The following TCF12 variants were observed in gnomAD, a reference collection of about 807,000 sequenced individuals.
TCF12 encodes the protein transcription factor 12.
In TCF12, 45 loss-of-function variants were observed where a neutral mutation model predicts 86.0. The observed-to-expected ratio is 0.52, with a 90% CI of 0.41 to 0.67. The LOEUF (loss-of-function observed/expected upper bound fraction) is 0.67, where lower values mean the gene tolerates loss of function less well. Among genes scored for constraint, TCF12 ranks in the 30% least tolerant of loss-of-function variants. TCF12 has a pLI of 0.00. For missense variants in TCF12, 881 were observed against 859.9 expected (o/e 1.02, Z -0.31); for synonymous variants, 330 against 299.6 (o/e 1.10, Z -1.05).
At chr15:57,042,608 C>T (rs1435037266) in intron 3 of TCF12, among the ~76,000 whole-genome samples, 4 of 151,984 alleles carry the variant, frequency 2.6e-5, no homozygotes, top group African/African-American at 7.3e-5. Context: ...GAGACGGGAT[C>T]GCACTGTGTT....
chr15:57,001,560 C>T lies in TCF12; in HGVS notation c.149-62190C>T, dbSNP rs956609464. Among the ~76,000 whole-genome samples, 3 of 152,118 alleles carry T rather than the reference C, an allele frequency of 2.0e-5. No homozygotes were observed. The East Asian group carries it at 5.8e-4, about 29-fold the overall frequency. Reference sequence around the variant, plus strand: ...ATTTGATTGTTGCATGTTTTAGTTTCTTTTCATTTAAAATAGTTTTCCTTA... The same window carrying T: ...ATTTGATTGTTGCATGTTTTAGTTTTTTTTCATTTAAAATAGTTTTCCTTA... On this transcript the variant is annotated intron_variant, in intron 3 of 20. Transcript: ENST00000333725.
At chr15:56,933,511 G>A (rs1437629171) in intron 3 of TCF12, among the ~76,000 whole-genome samples, 7 of 152,076 alleles carry the variant, frequency 4.6e-5, no homozygotes, top group Non-Finnish European at 1.0e-4. Flanking sequence ...TTGGAGATTC[G>A]AAGTCTTGCT....
At chr15:56,919,786 C>G in intron 1 of TCF12, 106 bp from the exon 2 acceptor site, 2 of 986,790 alleles carry the variant, frequency 2.0e-6, no homozygotes. Context: ...GAAGTCATCC[C>G]GGCGCCCCCA....
chr15:57,242,385 C>T (rs1952258075), intron 12 of TCF12, among the ~76,000 whole-genome samples: 1 of 152,172 alleles, frequency 6.6e-6, no homozygotes, highest in East Asian at 1.9e-4. Flanking sequence ...ATTAAGGGGA[C>T]TTTTAAAGTG....
chr15:57,133,932 T>A (rs1411575664), intron 5 of TCF12, among the ~76,000 whole-genome samples: 1 of 152,232 alleles, frequency 6.6e-6, no homozygotes. Flanking sequence ...GTTTGTTGTT[T>A]TGATATGCCA....
At chr15:56,969,405 A>G (rs1242423735) in intron 3 of TCF12, among the ~76,000 whole-genome samples, 1 of 152,226 alleles carries the variant, frequency 6.6e-6, no homozygotes, top group African/African-American at 2.4e-5. Flanking sequence ...CCCGTGCTAC[A>G]GAAAGAGAAT....
At chr15:56,961,294 T>C (rs1187481614) in intron 3 of TCF12, among the ~76,000 whole-genome samples, 8 of 152,156 alleles carry the variant, frequency 5.3e-5, no homozygotes, top group African/African-American at 1.7e-4. Flanking sequence ...ATAATTGCAA[T>C]AGAAATATAT....
At chr15:57,221,949 C>A (rs545652979) in intron 8 of TCF12, among the ~76,000 whole-genome samples, 1 of 152,126 alleles carries the variant, frequency 6.6e-6, no homozygotes, top group East Asian at 1.9e-4. Flanking sequence ...TAAAAACTAG[C>A]ACTTTCATTA....
At chr15:57,017,917 A>G (rs1180338050) in intron 3 of TCF12, among the ~76,000 whole-genome samples, 1 of 152,172 alleles carries the variant, frequency 6.6e-6, no homozygotes, top group Non-Finnish European at 1.5e-5. Flanking sequence ...CTGGGAAAGA[A>G]GGCAAGGGAC....
chr15:57,239,377 A>C (rs1158930906), intron 12 of TCF12, among the ~76,000 whole-genome samples: 2 of 151,714 alleles, frequency 1.3e-5, no homozygotes, highest in Admixed American at 6.6e-5. Flanking sequence ...AAGAAAAATT[A>C]GCCGGGTATG....
At chr15:57,172,251 T>C (rs1344389698) in intron 6 of TCF12, among the ~76,000 whole-genome samples, 16 of 150,242 alleles carry the variant, frequency 1.1e-4, no homozygotes, top group Non-Finnish European at 1.5e-5. Context: ...AAACAAAAAT[T>C]GATAGAATTA....
intron 3 of TCF12, among the ~76,000 whole-genome samples, chr15:56,989,584 AT>A (rs1187948486): frequency 2.0e-5 from 3 of 152,162 alleles, no homozygotes; most frequent in African/African-American, 7.2e-5. Context: ...CTTTCTTGAC[AT>A]TATTGCCTCA....
intron 3 of TCF12, among the ~76,000 whole-genome samples, chr15:56,950,669 T>G (rs1204076344): frequency 6.6e-6 from 1 of 152,100 alleles, no homozygotes; most frequent in Non-Finnish European, 1.5e-5. Context: ...CACAATTTGT[T>G]TATTTCCTCT....
chr15:57,255,626 G>C (rs2060312112), intron 16 of TCF12, among the ~76,000 whole-genome samples: 1 of 151,988 alleles, frequency 6.6e-6, no homozygotes, highest in Non-Finnish European at 1.5e-5. Flanking sequence ...TGGGATTATA[G>C]GCACCCGCCA....
intron 4 of TCF12, among the ~76,000 whole-genome samples, chr15:57,076,148 G>A (rs1224074378): frequency 7.2e-5 from 11 of 151,790 alleles, no homozygotes; most frequent in South Asian, 2.1e-4. Flanking sequence ...GAGCCACTGC[G>A]TTCGGATGGG....
chr15:57,241,114 T>A (rs181055770), intron 12 of TCF12, among the ~76,000 whole-genome samples: 7,361 of 151,528 alleles, frequency 0.049, 484 homozygotes, highest in African/African-American at 0.15. Flanking sequence ...TTTTTTTTCA[T>A]ACACTGTCTT....
intron 3 of TCF12, among the ~76,000 whole-genome samples, chr15:57,035,923 C>T (rs755753337): frequency 6.6e-6 from 1 of 152,162 alleles, no homozygotes; most frequent in Non-Finnish European, 1.5e-5. Flanking sequence ...GCATTAGATT[C>T]TCATAGGAAC....
chr15:57,219,668 ATCTGTGAGGT>A lies in TCF12; in HGVS notation c.580-11482_580-11473del. On this transcript the variant is annotated intron_variant, in intron 8 of 20. Coordinates refer to ENST00000333725, the MANE Select transcript of TCF12 (RefSeq NM_207037.2). ...TATACATTACTCGCTTTTTACTAAA[ATCTGTGAGGT>A]TTTGTTTTATCCTTTTATGCAATGT... 10 of 1,379,050 alleles carry A rather than the reference ATCTGTGAGGT, an allele frequency of 7.3e-6. No homozygotes were observed. In the South Asian group the frequency reaches 1.3e-4, roughly 18 times the overall value. The allele number at this position is 1,379,050 out of a possible 1,614,324, so 85.4% of individuals were successfully genotyped here.
At chr15:57,132,871 G>A (rs1247546561) in intron 5 of TCF12, among the ~76,000 whole-genome samples, 1 of 152,076 alleles carries the variant, frequency 6.6e-6, no homozygotes, top group Non-Finnish European at 1.5e-5. Flanking sequence ...TCTAATTATA[G>A]CAATGTTTGC....
Sources: gnomAD v4.1 joint callset for allele counts (sites outside exome capture counted in the v4.1 genomes callset) on GRCh38, gnomAD v4.1.1 for gene constraint, MANE v1.5 for transcripts, NCBI Gene and HGNC (gene_info 2026-07-23, HGNC 2026-07-21) for gene names.